The following CACNA1C variants were observed in gnomAD, a reference collection of about 807,000 sequenced individuals.
CACNA1C encodes the protein calcium voltage-gated channel subunit alpha1 C, also known as voltage-dependent L-type calcium channel subunit alpha-1C.
CACNA1C carries 30 observed loss-of-function variants against 229.0 expected under a neutral mutation model. The ratio of observed to expected loss-of-function variants is 0.13; its 90% CI spans 0.10 to 0.18. The LOEUF (loss-of-function observed/expected upper bound fraction) is 0.18. Ranked by LOEUF, CACNA1C falls within the 10% of genes least tolerant of loss-of-function variation. The pLI, the probability that CACNA1C is intolerant of heterozygous loss-of-function variation, is 1.00. For synonymous variants in CACNA1C, 1,114 were observed against 1,132.5 expected (o/e 0.98, Z 0.33); for missense variants, 1,658 against 2,845.0 (o/e 0.58, Z 9.49).
intron 1 of CACNA1C, among the ~76,000 whole-genome samples, chr12:2,031,422 G>A (rs2048198486): frequency 1.3e-5 from 2 of 152,230 alleles, no homozygotes; most frequent in African/African-American, 4.8e-5. Flanking sequence ...ATGGGGGGCT[G>A]TGCTGTGTTC....
At chr12:2,392,363 G>C (rs893195857) in intron 3 of CACNA1C, among the ~76,000 whole-genome samples, 1 of 152,052 alleles carries the variant, frequency 6.6e-6, no homozygotes, top group Non-Finnish European at 1.5e-5. Flanking sequence ...TTATGAGCTC[G>C]TTAGGGAAAT....
intron 3 of CACNA1C, among the ~76,000 whole-genome samples, chr12:2,258,126 T>TC (rs2078691400): frequency 6.6e-6 from 1 of 152,234 alleles, no homozygotes; most frequent in South Asian, 2.1e-4. Context: ...ATAGTAAAGC[T>TC]CATATCCCAC....
Position 2,567,615 on chromosome 12 carries a change from C to T in CACNA1C, c.1716C>T (p.Leu572=), listed in dbSNP as rs745728974. ...ALLALFTAEM[L]LKMYSLGLQA... ...TGGCCCTGTTCACGGCAGAGATGCT[C>T]CTGAAGATGTACAGCCTGGGCCTGC... Residue 572 remains leucine (L), a synonymous_variant, in exon 13 of 47, where the codon CTC becomes CTT. Transcript: ENST00000399655. 3.5e-5 allele frequency: 57 copies of T among 1,608,322 alleles called. No individual in the cohort carries two copies. Among genetic ancestry groups the T allele is most frequent in the East Asian group, 8.9e-5 (4 of 44,724 alleles).
intron 3 of CACNA1C, among the ~76,000 whole-genome samples, chr12:2,433,951 T>C (rs1215160820): frequency 6.6e-6 from 1 of 152,168 alleles, no homozygotes; most frequent in Non-Finnish European, 1.5e-5. Flanking sequence ...ATAATAGTGG[T>C]GATTTTTAAA....
chr12:2,469,133 A>G (rs1434678163), intron 5 of CACNA1C, among the ~76,000 whole-genome samples: 2 of 152,216 alleles, frequency 1.3e-5, no homozygotes, highest in Non-Finnish European at 2.9e-5. Context: ...ACAGAATCAC[A>G]TCGGGAGGGG....
At chr12:2,681,772 GCT>G (rs1445735059) in intron 42 of CACNA1C, among the ~76,000 whole-genome samples, 6 of 152,312 alleles carry the variant, frequency 3.9e-5, no homozygotes, top group Non-Finnish European at 5.9e-5. Context: ...TTAGCACTCG[GCT>G]CTGAGAGGAT....
rs192701783 is a variant in CACNA1C, at chr12:2,348,049, C to T, written c.478-100927C>T. Among the ~76,000 whole-genome samples, 363 of 152,360 alleles carry T rather than the reference C, an allele frequency of 2.4e-3. 3 individuals carry two copies. The highest frequency in any genetic ancestry group is 8.2e-3 in the African/African-American group (342 of 41,586). On this transcript the variant is annotated intron_variant, in intron 3 of 46. Coordinates refer to ENST00000399655, the MANE Select transcript of CACNA1C (RefSeq NM_000719.7). This position sits in a 1 kb window ranked among gnomAD's most constrained non-coding sequence, Gnocchi z 4.7. ...CCAGCTGGGAAATCTGTGAGGTCTCCCTGAGGAAGCTTGTCCTAGAAACTG... is the reference window on the plus strand; with the variant it reads ...CCAGCTGGGAAATCTGTGAGGTCTCTCTGAGGAAGCTTGTCCTAGAAACTG...
At chr12:2,104,413 T>C (rs2077457607) in intron 1 of CACNA1C, among the ~76,000 whole-genome samples, 1 of 152,238 alleles carries the variant, frequency 6.6e-6, no homozygotes, top group Admixed American at 6.5e-5. Context: ...TTTTTGCACA[T>C]TGATTTTGTA....
Position 2,649,906 on chromosome 12 carries a change from T to C in CACNA1C, c.3945+1399T>C, listed in dbSNP as rs573322033. ...ACAACCTCCTTTTAAGGAGTGAAAA[T>C]AGAAGTTCAAGCAGATACACAGGTG... On this transcript the variant is annotated intron_variant, in intron 31 of 46. Transcript: ENST00000399655. The surrounding 1 kb of genome is among the most constrained non-coding windows in gnomAD (Gnocchi z 4.4). 2.0e-5 allele frequency among the ~76,000 whole-genome samples: 3 copies of C among 151,656 alleles called. No homozygotes were observed. In the East Asian group the frequency reaches 5.9e-4, roughly 30 times the overall value.
At chr12:2,250,775 A>G (rs924521273) in intron 3 of CACNA1C, among the ~76,000 whole-genome samples, 2 of 152,144 alleles carry the variant, frequency 1.3e-5, no homozygotes, top group African/African-American at 2.4e-5. Flanking sequence ...TTTGTCTGTA[A>G]TGGAAATTCC....
At chr12:2,357,520 C>G (rs1166060899) in intron 3 of CACNA1C, among the ~76,000 whole-genome samples, 1 of 152,148 alleles carries the variant, frequency 6.6e-6, no homozygotes, top group Non-Finnish European at 1.5e-5. Context: ...GAGTAATCCT[C>G]TCTCTAGCTG....
intron 30 of CACNA1C, among the ~76,000 whole-genome samples, chr12:2,641,985 G>A (rs979960387): frequency 3.4e-5 from 5 of 147,956 alleles, no homozygotes; most frequent in African/African-American, 1.3e-4. Context: ...GGCGAGGCTT[G>A]TTGTGTGAAC....
chr12:2,687,526 C>T (rs1237175083), intron 45 of CACNA1C, among the ~76,000 whole-genome samples: 1 of 150,400 alleles, frequency 6.6e-6, no homozygotes. Flanking sequence ...GGACAGAGGG[C>T]GTACCGTGTG....
intron 1 of CACNA1C, among the ~76,000 whole-genome samples, chr12:2,107,291 C>G (rs1473434617): frequency 7.1e-6 from 1 of 141,650 alleles, no homozygotes; most frequent in Non-Finnish European, 1.5e-5. Context: ...CGTCCTGAAG[C>G]CACTGGGTGC....
At chr12:2,122,570 C>T (rs2087361306) in intron 3 of CACNA1C, among the ~76,000 whole-genome samples, 1 of 152,218 alleles carries the variant, frequency 6.6e-6, no homozygotes, top group Admixed American at 6.5e-5. Flanking sequence ...CTTGAAGCTG[C>T]AGCATCTTTG....
chr12:2,102,687 A>G lies in CACNA1C; in HGVS notation c.50-12537A>G, dbSNP rs558027438. 2.6e-5 allele frequency among the ~76,000 whole-genome samples: 4 copies of G among 152,240 alleles called. No individual in the cohort carries two copies. The South Asian group carries it at 8.3e-4, about 32-fold the overall frequency. On this transcript the variant is annotated intron_variant, in intron 1 of 46. Coordinates refer to ENST00000399655, the MANE Select transcript of CACNA1C (RefSeq NM_000719.7). ...GCCGTGGTGGTTTGCTTCGCCCATC[A>G]ACCCATCATCTACATTTGTATTTCT...
At chr12:2,082,195 C>G (rs2065902456) in intron 1 of CACNA1C, among the ~76,000 whole-genome samples, 1 of 152,172 alleles carries the variant, frequency 6.6e-6, no homozygotes, top group South Asian at 2.1e-4. Context: ...AACTGTGGTT[C>G]TAACTCAGGC....
Position 2,682,629 on chromosome 12 carries a change from A to C in CACNA1C, c.5524A>C (p.Asn1842His), listed in dbSNP as rs1239167907. ...SQDETYEVKM[N>H]HDTEACSEPS... is the part of the protein sequence containing the mutation. ...GGATGAGACCTATGAAGTGAAGATGAACCATGACACGGAGGCCTGCAGTGA... is the reference window on the plus strand; with the variant it reads ...GGATGAGACCTATGAAGTGAAGATGCACCATGACACGGAGGCCTGCAGTGA... Residue 1842 changes from asparagine (N) to histidine (H), a missense_variant, in exon 43 of 47, where the codon AAC becomes CAC. Transcript: ENST00000399655. The C allele has an allele frequency of 6.2e-7, 1 of 1,612,578 alleles. No individual in the cohort carries two copies. Among genetic ancestry groups the C allele is most frequent in the East Asian group, 2.2e-5 (1 of 44,844 alleles).
At chr12:2,233,765 G>A (rs1228258077) in intron 3 of CACNA1C, among the ~76,000 whole-genome samples, 1 of 152,132 alleles carries the variant, frequency 6.6e-6, no homozygotes, top group Non-Finnish European at 1.5e-5. Flanking sequence ...ATACTCTCTG[G>A]TCAGTGCTTC....
Sources: allele counts gnomAD v4.1 joint callset (sites outside exome capture counted in the v4.1 genomes callset), GRCh38; gene constraint gnomAD v4.1.1; non-coding constraint Gnocchi (gnomAD v3.1); transcripts MANE v1.5; gene names NCBI Gene and HGNC (gene_info 2026-07-23, HGNC 2026-07-21).